Variants in DHRS7 observed in about 807,000 individuals in gnomAD.
DHRS7 encodes dehydrogenase/reductase SDR family member 7.
A neutral mutation model predicts 38.9 loss-of-function variants in DHRS7; 34 were observed. The observed-to-expected ratio is 0.87, with a 90% confidence interval of 0.66 to 1.16. The LOEUF (loss-of-function observed/expected upper bound fraction) is 1.16, where lower values mean the gene tolerates loss of function less well. Among genes scored for constraint, DHRS7 ranks in the 50% most tolerant of loss-of-function variants. The pLI is 0.00. For synonymous variants in DHRS7, 158 were observed against 153.1 expected (o/e 1.03, Z -0.24); for missense variants, 421 against 407.0 (o/e 1.03, Z -0.30).
chr14:60,159,492 G>T (rs1047924555), intron 1 of DHRS7, among the ~76,000 whole-genome samples: 3 of 152,204 alleles, frequency 2.0e-5, no homozygotes, highest in African/African-American at 7.2e-5. Flanking sequence ...ACTTCCATAA[G>T]TTTGTGTATT....
chr14:60,160,353 T>C (rs1167395826), intron 1 of DHRS7, among the ~76,000 whole-genome samples: 1 of 151,346 alleles, frequency 6.6e-6, no homozygotes, highest in Non-Finnish European at 1.5e-5. Flanking sequence ...CTTTTTTTTT[T>C]TTTTTTTTAC....
intron 1 of DHRS7, among the ~76,000 whole-genome samples, chr14:60,157,394 A>G (rs1294530818): frequency 6.6e-6 from 1 of 152,182 alleles, no homozygotes; most frequent in African/African-American, 2.4e-5. Flanking sequence ...AATTATAATT[A>G]TTGCTCAAGT....
chr14:60,148,100 G>A lies in DHRS7; in HGVS notation c.972+1253C>T, dbSNP rs1394206293. ...TTTCACACTCTGGACATTTTAGTGTGTCATGACCCAGTCTGATAACCTTTT... is the reference window on the plus strand; with the variant it reads ...TTTCACACTCTGGACATTTTAGTGTATCATGACCCAGTCTGATAACCTTTT... On this transcript the variant is annotated intron_variant, in intron 6 of 6. Coordinates refer to ENST00000557185, the MANE Select transcript of DHRS7 (RefSeq NM_016029.4). This position sits in a 1 kb window ranked among gnomAD's most constrained non-coding sequence, Gnocchi z 4.8. 1.3e-5 allele frequency: 2 copies of A among 152,164 alleles called. No homozygotes were observed. Among genetic ancestry groups the A allele is most frequent in the Non-Finnish European group, 2.9e-5 (2 of 68,018 alleles). The allele number at this position is 152,164 out of a possible 1,614,324, so 9.4% of individuals were successfully genotyped here.
At chr14:60,150,502 T>G (rs1230397182) in intron 4 of DHRS7, among the ~76,000 whole-genome samples, 2 of 152,104 alleles carry the variant, frequency 1.3e-5, no homozygotes, top group Non-Finnish European at 2.9e-5. Flanking sequence ...CTGTGTGATG[T>G]TCCCCTTCCT....
chr14:60,155,738 A>G (rs1452240983), intron 2 of DHRS7: 1 of 277,678 alleles, frequency 3.6e-6, no homozygotes, highest in Non-Finnish European at 6.6e-6. Context: ...CTTGGTCACT[A>G]AAAATCCACC....
chr14:60,154,120 T>C, intron 2 of DHRS7, 55 bp from the exon 3 acceptor site: 2 of 1,405,430 alleles, frequency 1.4e-6, no homozygotes, highest in East Asian at 2.4e-5. Flanking sequence ...GTCAAGCTCC[T>C]TGCTACTCCC....
chr14:60,152,349 A>G (rs752947786), intron 4 of DHRS7, among the ~76,000 whole-genome samples: 1 of 152,198 alleles, frequency 6.6e-6, no homozygotes, highest in Non-Finnish European at 1.5e-5. Context: ...CTCTGCCTTG[A>G]CTAGATTTTC....
upstream of DHRS7, chr14:60,165,722 GAC>G (rs1896858976): frequency 1.0e-6 from 1 of 965,180 alleles, no homozygotes; most frequent in Non-Finnish European, 1.2e-6. This position sits in a 1 kb window ranked among gnomAD's most constrained non-coding sequence, Gnocchi z 4.6. Flanking sequence ...ACGGCCAGGA[GAC>G]AGATAGAATC....
chr14:60,163,097 G>A (rs12881334), intron 1 of DHRS7, among the ~76,000 whole-genome samples: 2 of 151,594 alleles, frequency 1.3e-5, no homozygotes, highest in Non-Finnish European at 2.9e-5. Context: ...TTGAACCCAG[G>A]AGATAGAGGT....
chr14:60,164,903 C>G (rs968286780), intron 1 of DHRS7, among the ~76,000 whole-genome samples: 1 of 152,234 alleles, frequency 6.6e-6, no homozygotes, highest in Non-Finnish European at 1.5e-5. Flanking sequence ...CTCCAGTGCT[C>G]TCTTAACAGT....
In DHRS7 at chr14:60,165,204, A is replaced by C. The variant is rs1476713910; in HGVS notation, c.106T>G (p.Trp36Gly). Reference protein sequence around the residue: ...LRADGDLTLLWAEWQGRRPEW... With the variant: ...LRADGDLTLLGAEWQGRRPEW... ...GGGCGTCGTCCCTGCCACTCGGCCC[A>C]TAGTAGCGTCAGGTCGCCGTCAGCC... The change falls in exon 1 of 7, where the codon TGG becomes GGG. Residue 36 changes from tryptophan to glycine, a missense_variant. By Grantham distance (184) the Trp-to-Gly change is radical (BLOSUM62 -2). Transcript: ENST00000557185. The surrounding 1 kb of genome is among the most constrained non-coding windows in gnomAD (Gnocchi z 4.6). 1 of 1,612,932 alleles carries C rather than the reference A, an allele frequency of 6.2e-7. No homozygotes were observed.
chr14:60,161,689 C>T lies in DHRS7; in HGVS notation c.133+3488G>A, dbSNP rs534315267. On this transcript the variant is annotated intron_variant, in intron 1 of 6. Transcript: ENST00000557185. The surrounding 1 kb of genome is among the most constrained non-coding windows in gnomAD (Gnocchi z 4.2). The stretch of plus-strand genomic sequence containing the variant: ...GCTGGCTAGGGCAGGACACAGGATT[C>T]GGTAGGGTCTGGACAGTGCAGAGCA... 4.2e-4 allele frequency among the ~76,000 whole-genome samples: 64 copies of T among 152,242 alleles called. No homozygotes were observed. Among genetic ancestry groups the T allele is most frequent in the Middle Eastern group, 3.4e-3 (1 of 294 alleles).
chr14:60,144,753 C>A lies in DHRS7; in HGVS notation c.*213G>T. The A allele has an allele frequency of 2.0e-6, 1 of 501,852 alleles. No individual in the cohort carries two copies. The highest frequency in any genetic ancestry group is 3.1e-5 in the South Asian group (1 of 32,656). 31.1% of individuals were successfully genotyped at this position (501,852 alleles called of 1,614,324 possible). On this transcript the variant is annotated 3_prime_UTR_variant, in exon 7 of 7. Transcript: ENST00000557185. ...AAGTATTTTAAAAGGTTATTTTATC[C>A]AAGAATATAGTATGAGTTAATACCT...
chr14:60,147,394 A>C (rs1896434339), intron 6 of DHRS7: 1 of 152,198 alleles, frequency 6.6e-6, no homozygotes, highest in Non-Finnish European at 1.5e-5. Context: ...TGTTCTCACC[A>C]CACACAAAAA....
upstream of DHRS7, chr14:60,168,958 G>A: frequency 1.9e-6 from 1 of 516,408 alleles, no homozygotes; most frequent in East Asian, 3.4e-5. Context: ...TTTGGAAGAT[G>A]TGACAGATGA....
At chr14:60,168,897 G>T (rs147783268), upstream of DHRS7, 4 of 1,021,370 alleles carry the variant, frequency 3.9e-6, no homozygotes, top group Non-Finnish European at 4.0e-6. Context: ...GGCATTGAAA[G>T]TGGTTAGTCT....
Position 60,146,820 on chromosome 14 carries a change from A to C in DHRS7, c.973-1807T>G, listed in dbSNP as rs1566528477. 6.6e-6 allele frequency: 1 copy of C among 152,224 alleles called. No homozygotes were observed. Among genetic ancestry groups the C allele is most frequent in the Admixed American group, 6.5e-5 (1 of 15,278 alleles). 9.4% of individuals were successfully genotyped at this position (152,224 alleles called of 1,614,324 possible). Reference sequence around the variant, plus strand: ...CTAAGTGATATAAGCAAGATACAGAAAAACAAGTACTATGTGATTTCACTT... The same window carrying C: ...CTAAGTGATATAAGCAAGATACAGACAAACAAGTACTATGTGATTTCACTT... On this transcript the variant is annotated intron_variant, in intron 6 of 6. Transcript: ENST00000557185. This position sits in a 1 kb window ranked among gnomAD's most constrained non-coding sequence, Gnocchi z 4.9.
intron 1 of DHRS7, among the ~76,000 whole-genome samples, chr14:60,158,634 G>A (rs547320202): frequency 2.6e-5 from 4 of 152,168 alleles, no homozygotes; most frequent in South Asian, 2.1e-4. Context: ...ATTTAGCACC[G>A]TTTGTTTCCC....
At position 60,150,194 on chromosome 14, in the gene DHRS7, G is replaced by GCA; in HGVS notation, c.634-8_634-7insTG. 3 of 1,121,060 alleles carry GCA rather than the reference G, an allele frequency of 2.7e-6. No homozygotes were observed. Among genetic ancestry groups the GCA allele is most frequent in the Admixed American group, 4.7e-5 (1 of 21,446 alleles). 69.4% of individuals were successfully genotyped at this position (1,121,060 alleles called of 1,614,324 possible). ...GAAGGCCATTAAAAAAACCCTAACAGACAAAAAAAAAAAAAAAGGAAAAAG... is the reference window on the plus strand; with the variant it reads ...GAAGGCCATTAAAAAAACCCTAACAGCAACAAAAAAAAAAAAAAAGGAAAAAG... On this transcript the variant is annotated splice_polypyrimidine_tract_variant and splice_region_variant and intron_variant, in intron 4 of 6. Transcript: ENST00000557185.
Sources: gnomAD v4.1 joint callset for allele counts (sites outside exome capture counted in the v4.1 genomes callset) on GRCh38, gnomAD v4.1.1 for gene constraint, Gnocchi (gnomAD v3.1) non-coding constraint, MANE v1.5 for transcripts, NCBI Gene and HGNC (gene_info 2026-07-23, HGNC 2026-07-21) for gene names.